PDIA3: variants seen among roughly 807,000 people sequenced by gnomAD.
PDIA3 encodes the protein protein disulfide-isomerase A3.
A neutral mutation model predicts 56.9 loss-of-function variants in PDIA3; 16 were observed. That is an observed-to-expected ratio of 0.28 (90% CI 0.19 to 0.43). The LOEUF (loss-of-function observed/expected upper bound fraction) is 0.43. Among genes scored for constraint, PDIA3 ranks in the 20% least tolerant of loss-of-function variants. The pLI, the probability that PDIA3 is intolerant of heterozygous loss-of-function variation, is 1.00. For missense variants in PDIA3, 485 were observed against 621.3 expected (o/e 0.78, Z 2.33); for synonymous variants, 192 against 216.5 (o/e 0.89, Z 0.99).
intron 2 of PDIA3, among the ~76,000 whole-genome samples, chr15:43,756,059 C>G (rs892303902): frequency 6.6e-6 from 1 of 152,046 alleles, no homozygotes. Context: ...ATAATATATG[C>G]AAAGTACTTG....
In PDIA3 at chr15:43,773,030, G is replaced by A. The variant is rs544800114; in HGVS notation, c.*1812G>A. 1.6e-6 allele frequency: 2 copies of A among 1,260,310 alleles called. No homozygotes were observed. Among genetic ancestry groups the A allele is most frequent in the South Asian group, 1.5e-5 (1 of 68,392 alleles). 78.1% of individuals were successfully genotyped at this position (1,260,310 alleles called of 1,614,324 possible). A position where few individuals can be genotyped will look rare whatever the true frequency, so the allele number is the denominator to read the frequency against. On this transcript the variant is annotated 3_prime_UTR_variant, in exon 13 of 13. Transcript: ENST00000300289. ...GACTCCAGTGGTCAGCATAAGAAAA[G>A]CAGATAGTTGCATTCTATTTAGTTT...
chr15:43,748,575 G>T (rs1436816343), intron 1 of PDIA3, among the ~76,000 whole-genome samples: 1 of 152,064 alleles, frequency 6.6e-6, no homozygotes, highest in Non-Finnish European at 1.5e-5. Flanking sequence ...ATCCCATCAG[G>T]CACTGACTGT....
At chr15:43,766,332 C>G (rs2086847507) in intron 7 of PDIA3, among the ~76,000 whole-genome samples, 1 of 152,140 alleles carries the variant, frequency 6.6e-6, no homozygotes, top group Non-Finnish European at 1.5e-5. Flanking sequence ...CTTTGTGACA[C>G]AGTGACTCCA....
intron 1 of PDIA3, among the ~76,000 whole-genome samples, chr15:43,749,404 A>G (rs145234602): frequency 6.6e-6 from 1 of 152,184 alleles, no homozygotes; most frequent in East Asian, 1.9e-4. Flanking sequence ...ATTTTTATTT[A>G]TTAACATTTC....
At chr15:43,751,365 G>A (rs907384368) in intron 1 of PDIA3, among the ~76,000 whole-genome samples, 45 of 152,136 alleles carry the variant, frequency 3.0e-4, no homozygotes, top group African/African-American at 1.1e-3. Context: ...CACTTGATAA[G>A]GCACTTATCA....
intron 9 of PDIA3, among the ~76,000 whole-genome samples, 163 bp downstream of exon 9, chr15:43,768,760 A>G (rs1596025509): frequency 6.6e-6 from 1 of 151,648 alleles, no homozygotes; most frequent in Non-Finnish European, 1.5e-5. Flanking sequence ...GCGGTGGCTC[A>G]TGCCTGTAAT....
chr15:43,760,652 C>A (rs959859034), intron 3 of PDIA3, among the ~76,000 whole-genome samples: 1 of 151,176 alleles, frequency 6.6e-6, no homozygotes, highest in African/African-American at 2.4e-5. Context: ...CCTCAGCCTC[C>A]CGAGTAGCTC....
At chr15:43,757,220 G>A (rs1212061129) in intron 3 of PDIA3, among the ~76,000 whole-genome samples, 1 of 152,172 alleles carries the variant, frequency 6.6e-6, no homozygotes, top group Non-Finnish European at 1.5e-5. Flanking sequence ...AGACTGTCTT[G>A]AGCACAGCCT....
At chr15:43,746,870 G>T (rs2141639671) in intron 1 of PDIA3, 164 bp downstream of exon 1, 2 of 761,872 alleles carry the variant, frequency 2.6e-6, no homozygotes, top group South Asian at 3.5e-5. Context: ...GCCTCGCCGA[G>T]AGCGGGGGAG....
intron 4 of PDIA3, 104 bp from the exon 5 acceptor site, chr15:43,762,973 A>G (rs1393327367): frequency 8.5e-7 from 1 of 1,175,546 alleles, no homozygotes; most frequent in Non-Finnish European, 1.2e-6. Context: ...AGTCCTCAAA[A>G]TAGAATGAAA....
intron 1 of PDIA3, among the ~76,000 whole-genome samples, chr15:43,749,484 T>TA (rs1420236379): frequency 6.6e-6 from 1 of 152,252 alleles, no homozygotes; most frequent in East Asian, 1.9e-4. Flanking sequence ...AAGAAACAGT[T>TA]AAAAAATCCT....
At chr15:43,752,043 G>T (rs1347067318) in intron 1 of PDIA3, among the ~76,000 whole-genome samples, 2 of 152,152 alleles carry the variant, frequency 1.3e-5, no homozygotes, top group Non-Finnish European at 2.9e-5. Flanking sequence ...TCTTCTAGAT[G>T]GCTTTACTCT....
rs745711018 is a variant in PDIA3 at position 43,773,100 on chromosome 15, A to C, written c.*1882A>C. On this transcript the variant is annotated 3_prime_UTR_variant, in exon 13 of 13. Coordinates refer to ENST00000300289, the MANE Select transcript of PDIA3 (RefSeq NM_005313.5). ...GTGTTTCACTAAGCAGAGGCTCAAA[A>C]ATTCCCTTGATAACTTCAGCTGCCC... is the stretch of plus-strand genomic sequence containing the variant. The C allele has an allele frequency of 1.3e-6, 2 of 1,582,236 alleles. No individual in the cohort carries two copies. Among genetic ancestry groups the C allele is most frequent in the Non-Finnish European group, 1.7e-6 (2 of 1,168,734 alleles).
intron 5 of PDIA3, among the ~76,000 whole-genome samples, chr15:43,765,019 G>A (rs1258675502): frequency 6.6e-6 from 1 of 152,138 alleles, no homozygotes; most frequent in African/African-American, 2.4e-5. Context: ...TGAATCTGTG[G>A]TACTAGAAAA....
intron 5 of PDIA3, among the ~76,000 whole-genome samples, chr15:43,764,542 A>G (rs185724391): frequency 1.2e-3 from 176 of 152,144 alleles, no homozygotes; most frequent in African/African-American, 4.1e-3. Flanking sequence ...ATCTCGGCTC[A>G]CTACAACCTC....
In PDIA3 at chr15:43,773,038, T is replaced by G. The variant is rs1250818850; in HGVS notation, c.*1820T>G. On this transcript the variant is annotated 3_prime_UTR_variant, in exon 13 of 13. Coordinates refer to ENST00000300289, the MANE Select transcript of PDIA3 (RefSeq NM_005313.5). ...TGGTCAGCATAAGAAAAGCAGATAG[T>G]TGCATTCTATTTAGTTTATAGCTGC... The G allele has an allele frequency of 4.6e-6, 6 of 1,314,376 alleles. No homozygotes were observed. Among genetic ancestry groups the G allele is most frequent in the Non-Finnish European group, 6.3e-6 (6 of 949,372 alleles). 81.4% of individuals were successfully genotyped at this position (1,314,376 alleles called of 1,614,324 possible).
chr15:43,752,749 A>G, intron 1 of PDIA3: 2 of 469,940 alleles, frequency 4.3e-6, no homozygotes, highest in South Asian at 1.6e-5. Flanking sequence ...ATTGAAATAT[A>G]TCTGCTCAAG....
chr15:43,749,874 G>T (rs2086732313), intron 1 of PDIA3, among the ~76,000 whole-genome samples: 1 of 152,106 alleles, frequency 6.6e-6, no homozygotes. Flanking sequence ...TTGAGCCTGG[G>T]AGGTGGAGGT....
At chr15:43,763,293 C>A (rs1413463076) in intron 5 of PDIA3, 87 bp downstream of exon 5, 4 of 1,461,400 alleles carry the variant, frequency 2.7e-6, no homozygotes, top group Non-Finnish European at 3.8e-6. Context: ...CACTCTGTCA[C>A]CCAGGCTGGA....
Sources: gnomAD v4.1 joint callset for allele counts (sites outside exome capture counted in the v4.1 genomes callset) on GRCh38, gnomAD v4.1.1 for gene constraint, MANE v1.5 for transcripts, NCBI Gene and HGNC (gene_info 2026-07-23, HGNC 2026-07-21) for gene names.